The following VEGFC variants were observed in gnomAD, a reference collection of about 807,000 sequenced individuals.
VEGFC encodes FLT4 ligand DHM.
VEGFC carries 12 observed loss-of-function variants against 46.1 expected under a neutral mutation model. The observed-to-expected ratio is 0.26, with a 90% CI of 0.17 to 0.42. VEGFC has a LOEUF of 0.42. Ranked by LOEUF, VEGFC falls within the 10% of genes least tolerant of loss-of-function variation. The pLI is 1.00. For missense variants in VEGFC, 488 were observed against 529.4 expected (o/e 0.92, Z 0.77); for synonymous variants, 232 against 195.5 (o/e 1.19, Z -1.56).
At chr4:176,757,603 CAAA>C (rs11315898) in intron 1 of VEGFC, among the ~76,000 whole-genome samples, 5 of 148,508 alleles carry the variant, frequency 3.4e-5, no homozygotes, top group African/African-American at 9.8e-5. Context: ...AGAACATCAG[CAAA>C]AAAAAAAAAG....
intron 4 of VEGFC, among the ~76,000 whole-genome samples, chr4:176,697,433 AG>A: frequency 6.6e-6 from 1 of 152,360 alleles, no homozygotes; most frequent in Non-Finnish European, 1.5e-5. Context: ...AACTACAATG[AG>A]ATACCATCTC....
intron 3 of VEGFC, among the ~76,000 whole-genome samples, chr4:176,724,051 T>C (rs1011095903): frequency 1.3e-5 from 2 of 152,210 alleles, no homozygotes; most frequent in East Asian, 1.9e-4. Context: ...CAGTACCCAA[T>C]AGTTACCTTT....
At chr4:176,780,900 T>C (rs1735904171) in intron 1 of VEGFC, among the ~76,000 whole-genome samples, 1 of 152,200 alleles carries the variant, frequency 6.6e-6, no homozygotes, top group Non-Finnish European at 1.5e-5. Flanking sequence ...TTTACTAAGT[T>C]ATGTGTCACT....
intron 1 of VEGFC, among the ~76,000 whole-genome samples, chr4:176,760,016 CAAG>C (rs1735502029): frequency 6.6e-6 from 1 of 151,760 alleles, no homozygotes; most frequent in South Asian, 2.1e-4. Context: ...TAGTTAATAA[CAAG>C]GAGGACATAA....
At chr4:176,791,689 A>C (rs1217345941) in intron 1 of VEGFC, among the ~76,000 whole-genome samples, 2 of 152,062 alleles carry the variant, frequency 1.3e-5, no homozygotes, top group Non-Finnish European at 2.9e-5. Flanking sequence ...TTTTTTTCTA[A>C]AGTCGCTCAC....
chr4:176,704,445 CT>C (rs1734488185), intron 4 of VEGFC, among the ~76,000 whole-genome samples: 2 of 152,112 alleles, frequency 1.3e-5, no homozygotes, highest in African/African-American at 4.8e-5. Context: ...TGCTCCTTGT[CT>C]TTTGAATGTC....
chr4:176,693,287 CTGA>C (rs1285558156), intron 4 of VEGFC, among the ~76,000 whole-genome samples: 1 of 137,410 alleles, frequency 7.3e-6, no homozygotes, highest in Non-Finnish European at 1.5e-5. Flanking sequence ...CTTAAAGGAG[CTGA>C]TGGAGCTGAA....
At chr4:176,764,048 T>C (rs992390518) in intron 1 of VEGFC, among the ~76,000 whole-genome samples, 5 of 152,118 alleles carry the variant, frequency 3.3e-5, no homozygotes, top group African/African-American at 9.7e-5. Flanking sequence ...ATGGAATAGC[T>C]TGTGACAAAA....
intron 4 of VEGFC, among the ~76,000 whole-genome samples, chr4:176,702,556 A>G (rs745866268): frequency 1.9e-4 from 29 of 152,116 alleles, no homozygotes; most frequent in Non-Finnish European, 2.8e-4. Context: ...TGCTGCTCAA[A>G]GCTTTAGAAT....
chr4:176,758,183 G>A (rs1735466806), intron 1 of VEGFC, among the ~76,000 whole-genome samples: 1 of 152,044 alleles, frequency 6.6e-6, no homozygotes, highest in African/African-American at 2.4e-5. Context: ...TGACAAACAA[G>A]TTGTTAGTAG....
At chr4:176,768,109 T>G (rs927329193) in intron 1 of VEGFC, among the ~76,000 whole-genome samples, 3 of 152,140 alleles carry the variant, frequency 2.0e-5, no homozygotes, top group Admixed American at 6.5e-5. Flanking sequence ...TAGAGCAAAT[T>G]TGATCAGAAA....
intron 2 of VEGFC, among the ~76,000 whole-genome samples, chr4:176,728,577 C>T (rs1422063211): frequency 6.6e-6 from 1 of 152,088 alleles, no homozygotes; most frequent in African/African-American, 2.4e-5. Flanking sequence ...TTTCCTATCC[C>T]TTTTAACTCT....
At chr4:176,736,913 C>A (rs1324164694) in intron 1 of VEGFC, among the ~76,000 whole-genome samples, 1 of 151,250 alleles carries the variant, frequency 6.6e-6, no homozygotes, top group Non-Finnish European at 1.5e-5. Context: ...CACAGTGAAG[C>A]ATAAGTCATT....
intron 1 of VEGFC, among the ~76,000 whole-genome samples, chr4:176,769,262 CTT>C (rs2110924248): frequency 6.6e-6 from 1 of 152,234 alleles, no homozygotes. Flanking sequence ...GTCTAAGACA[CTT>C]TGTTATAGCA....
At chr4:176,765,713 C>T (rs886872954) in intron 1 of VEGFC, among the ~76,000 whole-genome samples, 1 of 151,864 alleles carries the variant, frequency 6.6e-6, no homozygotes, top group African/African-American at 2.4e-5. Context: ...CGCCACCACA[C>T]CCGGCTAATT....
intron 1 of VEGFC, among the ~76,000 whole-genome samples, chr4:176,757,541 T>C (rs1735453853): frequency 6.6e-6 from 1 of 151,702 alleles, no homozygotes; most frequent in Non-Finnish European, 1.5e-5. Flanking sequence ...TCATAGATAA[T>C]CAAATTCTAA....
chr4:176,739,490 G>A (rs1041145377), intron 1 of VEGFC, among the ~76,000 whole-genome samples: 2 of 151,956 alleles, frequency 1.3e-5, no homozygotes, highest in Non-Finnish European at 2.9e-5. Flanking sequence ...ACTAATGCAG[G>A]AGCAGAAAAG....
chr4:176,791,808 GA>G (rs1246933282), intron 1 of VEGFC, among the ~76,000 whole-genome samples: 3 of 152,144 alleles, frequency 2.0e-5, no homozygotes, highest in African/African-American at 7.2e-5. Flanking sequence ...GCTGGGGAAA[GA>G]AACGAGCATT....
rs1736123118 is a variant in VEGFC, at chr4:176,792,624, GGTCCGC to G, written c.-319_-314del. The G allele has an allele frequency of 3.9e-6, 1 of 256,148 alleles. No individual in the cohort carries two copies. The allele number at this position is 256,148 out of a possible 1,614,324, so 15.9% of individuals were successfully genotyped here. A position where few individuals can be genotyped will look rare whatever the true frequency, so the allele number is the denominator to read the frequency against. ...CGAGGGCGAGGGAGGACGCCGCCGCGGTCCGCGTCGGTGTAGCTTTTTGGAGAGGCG... is the reference window on the plus strand; with the variant it reads ...CGAGGGCGAGGGAGGACGCCGCCGCGGTCGGTGTAGCTTTTTGGAGAGGCG... On this transcript the variant is annotated 5_prime_UTR_variant, in exon 1 of 7. Transcript: ENST00000618562. The surrounding 1 kb of genome is among the most constrained non-coding windows in gnomAD (Gnocchi z 6.3).
Sources: allele counts gnomAD v4.1 joint callset (sites outside exome capture counted in the v4.1 genomes callset), GRCh38; gene constraint gnomAD v4.1.1; non-coding constraint Gnocchi (gnomAD v3.1); transcripts MANE v1.5; gene names NCBI Gene and HGNC (gene_info 2026-07-23, HGNC 2026-07-21).